MAN2A1: variants seen among roughly 807,000 people sequenced by gnomAD.
MAN2A1 encodes the protein alpha-mannosidase 2.
A neutral mutation model predicts 142.6 loss-of-function variants in MAN2A1; 76 were observed. The observed-to-expected ratio is 0.53, with a 90% CI of 0.44 to 0.65. The LOEUF is 0.65. MAN2A1 is among the 30% of genes least tolerant of loss of function. The pLI is 0.00. For missense variants in MAN2A1, 1,311 were observed against 1,365.1 expected, an observed-to-expected ratio of 0.96 and a Z score of 0.62; for synonymous variants, 559 against 473.2, an observed-to-expected ratio of 1.18 and a Z score of -2.35.
rs1256807934 is a variant in MAN2A1 at position 109,770,606 on chromosome 5, T to C, written c.1196+65T>C. The stretch of plus-strand genomic sequence containing the variant: ...AAGTAGCCACTTAGCTGCTAGTTGC[T>C]GAAGGGTTGAACAAATGGGCTTTAT... On this transcript the variant is annotated intron_variant, in intron 7 of 21. Coordinates refer to ENST00000261483, the MANE Select transcript of MAN2A1 (RefSeq NM_002372.4). 4 of 1,432,152 alleles carry C rather than the reference T, an allele frequency of 2.8e-6. No homozygotes were observed. In the African/African-American group the frequency reaches 5.6e-5, roughly 20 times the overall value. The allele number at this position is 1,432,152 out of a possible 1,614,324, so 88.7% of individuals were successfully genotyped here.
chr5:109,826,525 T>G (rs1284161619), intron 16 of MAN2A1, among the ~76,000 whole-genome samples: 1 of 152,236 alleles, frequency 6.6e-6, no homozygotes, highest in African/African-American at 2.4e-5. Context: ...GTGTTTGTAT[T>G]TGAGCTCCTC....
chr5:109,823,788 T>G lies in MAN2A1; in HGVS notation c.2517T>G (p.Thr839=). The change falls in exon 16 of 22, where the codon ACT becomes ACG. Residue 839 remains threonine, a synonymous_variant. Transcript: ENST00000261483. The stretch of plus-strand genomic sequence containing the variant: ...ATGGAAGGATTTATTCGGAAGTGAC[T>G]TGCTTTTTTGACCATGTTACTCATA... ...VTHGRIYSEV[T]CFFDHVTHRV... The G allele has an allele frequency of 6.2e-7, 1 of 1,608,774 alleles. No individual in the cohort carries two copies. The highest frequency in any genetic ancestry group is 8.5e-7 in the Non-Finnish European group (1 of 1,177,844).
chr5:109,816,717 G>A (rs570426058), intron 12 of MAN2A1, among the ~76,000 whole-genome samples: 1 of 152,102 alleles, frequency 6.6e-6, no homozygotes, highest in Non-Finnish European at 1.5e-5. Flanking sequence ...GGTATTAGTT[G>A]TATGGAGCTC....
At chr5:109,830,063 A>G (rs1754864955) in intron 16 of MAN2A1, among the ~76,000 whole-genome samples, 1 of 152,180 alleles carries the variant, frequency 6.6e-6, no homozygotes, top group East Asian at 1.9e-4. Flanking sequence ...TTGCTCTGAT[A>G]GGGGCTCTTA....
intron 20 of MAN2A1, among the ~76,000 whole-genome samples, chr5:109,857,349 C>T (rs567039076): frequency 3.3e-5 from 5 of 152,082 alleles, no homozygotes; most frequent in South Asian, 2.1e-4. Context: ...TTTGGCTCCC[C>T]GAGGTGTCGT....
chr5:109,789,705 G>C (rs1325071667), intron 12 of MAN2A1, among the ~76,000 whole-genome samples, 178 bp downstream of exon 12: 1 of 151,738 alleles, frequency 6.6e-6, no homozygotes, highest in African/African-American at 2.4e-5. Flanking sequence ...AGCTAACACA[G>C]TGCTTAGTAT....
At chr5:109,715,651 A>G (rs1044216103) in intron 2 of MAN2A1, among the ~76,000 whole-genome samples, 2 of 152,202 alleles carry the variant, frequency 1.3e-5, no homozygotes, top group African/African-American at 4.8e-5. Flanking sequence ...ATAGCTATAG[A>G]TAGATATATT....
At chr5:109,765,427 G>T (rs1752963699) in intron 5 of MAN2A1, among the ~76,000 whole-genome samples, 1 of 152,068 alleles carries the variant, frequency 6.6e-6, no homozygotes, top group African/African-American at 2.4e-5. Flanking sequence ...GCAGTAATGT[G>T]ATGTCCCATT....
chr5:109,735,899 T>TTTC (rs1554074542), intron 4 of MAN2A1, among the ~76,000 whole-genome samples: 7 of 148,496 alleles, frequency 4.7e-5, no homozygotes, highest in East Asian at 2.0e-4. Context: ...TTTTTTTTTT[T>TTTC]CCCTCTTGAT....
intron 12 of MAN2A1, among the ~76,000 whole-genome samples, chr5:109,790,299 TA>T (rs1468259448): frequency 6.6e-6 from 1 of 151,802 alleles, no homozygotes; most frequent in Non-Finnish European, 1.5e-5. Context: ...TTCAACTAAA[TA>T]TATTTTATTA....
chr5:109,840,883 C>T (rs1295234775), intron 16 of MAN2A1, among the ~76,000 whole-genome samples: 1 of 152,196 alleles, frequency 6.6e-6, no homozygotes, highest in Admixed American at 6.5e-5. Flanking sequence ...TGCATTTACA[C>T]TCTTTCCCAC....
At chr5:109,765,942 C>T (rs1162816019) in intron 5 of MAN2A1, among the ~76,000 whole-genome samples, 1 of 151,946 alleles carries the variant, frequency 6.6e-6, no homozygotes, top group African/African-American at 2.4e-5. Flanking sequence ...TTGGAATAAG[C>T]TATTTCTTTC....
At chr5:109,822,784 T>G (rs1392249647) in intron 15 of MAN2A1, among the ~76,000 whole-genome samples, 1 of 152,064 alleles carries the variant, frequency 6.6e-6, no homozygotes, top group Non-Finnish European at 1.5e-5. Context: ...TTCACGCCAT[T>G]TTCCTGCCTC....
chr5:109,724,019 ACT>A (rs1751676733), intron 3 of MAN2A1, among the ~76,000 whole-genome samples: 1 of 152,090 alleles, frequency 6.6e-6, no homozygotes, highest in African/African-American at 2.4e-5. Context: ...GTTAATTAAA[ACT>A]CTTTCACAGT....
chr5:109,783,678 T>G (rs1753519937), intron 9 of MAN2A1, among the ~76,000 whole-genome samples: 1 of 149,376 alleles, frequency 6.7e-6, no homozygotes, highest in South Asian at 2.1e-4. Context: ...GCATTGTCCT[T>G]AAAACATGTT....
In MAN2A1 at chr5:109,819,649, C is replaced by T. The variant is rs532372660; in HGVS notation, c.2110-20C>T. On this transcript the variant is annotated intron_variant, in intron 13 of 21. Coordinates refer to ENST00000261483, the MANE Select transcript of MAN2A1 (RefSeq NM_002372.4). ...AGATAACATTTATCTTTAATAAATTCCCTTCCCTATCTTTTAAAGATCTCT... is the reference window on the plus strand; with the variant it reads ...AGATAACATTTATCTTTAATAAATTTCCTTCCCTATCTTTTAAAGATCTCT... The T allele has an allele frequency of 3.5e-6, 5 of 1,410,514 alleles. No individual in the cohort carries two copies. In the Admixed American group the frequency reaches 6.8e-5, roughly 19 times the overall value. The allele number at this position is 1,410,514 out of a possible 1,614,324, so 87.4% of individuals were successfully genotyped here.
chr5:109,786,997 T>C (rs17162215), intron 10 of MAN2A1, among the ~76,000 whole-genome samples: 8,207 of 151,982 alleles, frequency 0.054, 224 homozygotes, highest in Non-Finnish European at 0.064. Context: ...CAACAATAGA[T>C]CGAATGTGTA....
At chr5:109,758,396 GA>G (rs1323356094) in intron 5 of MAN2A1, among the ~76,000 whole-genome samples, 1 of 151,652 alleles carries the variant, frequency 6.6e-6, no homozygotes, top group Non-Finnish European at 1.5e-5. Context: ...TATTGACTTA[GA>G]ATTTTTTTTA....
At chr5:109,720,172 T>C (rs17162109) in intron 3 of MAN2A1, among the ~76,000 whole-genome samples, 12,797 of 152,188 alleles carry the variant, frequency 0.084, 628 homozygotes, top group African/African-American at 0.15. Flanking sequence ...GAAGATAAGG[T>C]ATACTAAATG....
Sources: allele counts gnomAD v4.1 joint callset (sites outside exome capture counted in the v4.1 genomes callset), GRCh38; gene constraint gnomAD v4.1.1; transcripts MANE v1.5; gene names NCBI Gene and HGNC (gene_info 2026-07-23, HGNC 2026-07-21).